The following HDAC9 variants were observed in gnomAD, a reference collection of about 807,000 sequenced individuals.
HDAC9 encodes the protein MEF-2 interacting transcription repressor (MITR) protein.
A neutral mutation model predicts 139.4 loss-of-function variants in HDAC9; 41 were observed. The observed-to-expected ratio is 0.29, with a 90% CI of 0.23 to 0.38. The LOEUF (loss-of-function observed/expected upper bound fraction) is 0.38, where lower values mean the gene tolerates loss of function less well. Among genes scored for constraint, HDAC9 ranks in the 10% least tolerant of loss-of-function variants. The probability of loss-of-function intolerance (pLI) is 1.00; values close to 1 mark genes in which losing one functional copy is unlikely to be tolerated. For missense variants in HDAC9, 1,147 were observed against 1,297.0 expected (o/e 0.88, Z 1.78); for synonymous variants, 517 against 476.2 (o/e 1.09, Z -1.12).
At chr7:18,459,826 A>C (rs1043820964) in intron 1 of HDAC9, among the ~76,000 whole-genome samples, 1 of 152,160 alleles carries the variant, frequency 6.6e-6, no homozygotes, top group Non-Finnish European at 1.5e-5. Flanking sequence ...TAAGAAAGGC[A>C]TCCATCTATT....
intron 2 of HDAC9, among the ~76,000 whole-genome samples, chr7:18,264,453 C>A (rs532189634): frequency 6.6e-6 from 1 of 152,264 alleles, no homozygotes; most frequent in South Asian, 2.1e-4. Context: ...GGTAAACATA[C>A]ATGTATATCC....
At position 18,914,913 on chromosome 7, in the gene HDAC9, A is replaced by G. The variant is rs144705630; in HGVS notation, c.2804-20896A>G. 5.4e-3 allele frequency among the ~76,000 whole-genome samples: 823 copies of G among 152,244 alleles called. 1 individual carries two copies. Among genetic ancestry groups the G allele is most frequent in the Non-Finnish European group, 9.4e-3 (637 of 67,996 alleles). On this transcript the variant is annotated intron_variant, in intron 22 of 25. Transcript: ENST00000686413. ...ATATTGGAATACTTTACATAATACAACCAAGAAGAGATTATAGGAAAAAAG... is the reference window on the plus strand; with the variant it reads ...ATATTGGAATACTTTACATAATACAGCCAAGAAGAGATTATAGGAAAAAAG...
intron 12 of HDAC9, among the ~76,000 whole-genome samples, chr7:18,669,112 T>C (rs1316072776): frequency 6.6e-6 from 1 of 151,786 alleles, no homozygotes; most frequent in Non-Finnish European, 1.5e-5. Context: ...TTTCATGATA[T>C]GTTATCATGT....
chr7:18,958,912 A>G (rs1286632583), intron 24 of HDAC9, among the ~76,000 whole-genome samples: 1 of 152,112 alleles, frequency 6.6e-6, no homozygotes, highest in Non-Finnish European at 1.5e-5. Flanking sequence ...GTGAGTTGCC[A>G]TTTCCACGGG....
intron 2 of HDAC9, among the ~76,000 whole-genome samples, chr7:18,270,413 A>G (rs1034398859): frequency 5.3e-5 from 8 of 152,186 alleles, no homozygotes; most frequent in African/African-American, 1.9e-4. Flanking sequence ...TCAATGCTAC[A>G]TTACTTATAA....
intron 16 of HDAC9, 168 bp from the exon 17 acceptor site, chr7:18,793,177 A>T: frequency 1.7e-6 from 1 of 604,926 alleles, no homozygotes; most frequent in East Asian, 2.8e-5. Flanking sequence ...AAGACGGAAG[A>T]CTAATGTTAT....
intron 1 of HDAC9, among the ~76,000 whole-genome samples, chr7:18,380,382 C>A (rs17139138): frequency 0.1 from 15,525 of 152,136 alleles, 1,433 homozygotes; most frequent in East Asian, 0.24. Flanking sequence ...AACACCAAAG[C>A]AAAGAGTGTC....
chr7:18,712,310 A>G (rs1322901765), intron 12 of HDAC9, among the ~76,000 whole-genome samples: 2 of 152,114 alleles, frequency 1.3e-5, no homozygotes, highest in Non-Finnish European at 2.9e-5. Flanking sequence ...CTTCTCTACC[A>G]ACCTTGCTTC....
rs956780555 is a variant in HDAC9 at position 18,975,849 on chromosome 7, C to A, written c.3066C>A (p.Gly1022=). ...KSVRMVAVPR[G]CALAGAQLQE... ...TAAGGATGGTGGCTGTGCCAAGGGG[C>A]TGTGCTCTGGCTGGTGCTCAGTTGC... Residue 1022 remains glycine, a synonymous_variant, in exon 25 of 26, where the codon GGC becomes GGA. Transcript: ENST00000686413. 1 of 1,613,752 alleles carries A rather than the reference C, an allele frequency of 6.2e-7. No individual in the cohort carries two copies. Among genetic ancestry groups the A allele is most frequent in the African/African-American group, 1.3e-5 (1 of 74,900 alleles).
intron 12 of HDAC9, among the ~76,000 whole-genome samples, chr7:18,725,023 T>G (rs1270473986): frequency 6.6e-6 from 1 of 152,018 alleles, no homozygotes; most frequent in Non-Finnish European, 1.5e-5. Flanking sequence ...AATGTGGAGC[T>G]TCATAGCCAC....
chr7:18,827,760 T>C (rs767830065), intron 17 of HDAC9, among the ~76,000 whole-genome samples: 10 of 152,324 alleles, frequency 6.6e-5, no homozygotes, highest in African/African-American at 9.6e-5. Flanking sequence ...GTATTATATA[T>C]TGTTATTTTC....
chr7:18,186,332 T>G (rs190005413), intron 2 of HDAC9, among the ~76,000 whole-genome samples: 17 of 152,362 alleles, frequency 1.1e-4, no homozygotes, highest in Non-Finnish European at 2.2e-4. Context: ...GTCTTGATAT[T>G]TCCCAACTGA....
chr7:18,630,666 C>G (rs2128978147), intron 7 of HDAC9, among the ~76,000 whole-genome samples: 1 of 152,154 alleles, frequency 6.6e-6, no homozygotes, highest in Admixed American at 6.6e-5. Flanking sequence ...AATTATTTTA[C>G]TAGAGTTTAT....
At chr7:18,204,400 AG>A (rs1392577594) in intron 2 of HDAC9, among the ~76,000 whole-genome samples, 3 of 150,992 alleles carry the variant, frequency 2.0e-5, no homozygotes, top group African/African-American at 7.3e-5. Context: ...ATTAGGTTAA[AG>A]GCTTTGCATA....
chr7:18,971,353 C>T (rs1433756731), intron 24 of HDAC9, among the ~76,000 whole-genome samples: 13 of 152,180 alleles, frequency 8.5e-5, no homozygotes, highest in Admixed American at 8.5e-4. Flanking sequence ...TTGCCAGTTG[C>T]ATAGCCATAG....
chr7:18,628,442 A>G (rs1781365302), intron 6 of HDAC9, among the ~76,000 whole-genome samples: 1 of 152,134 alleles, frequency 6.6e-6, no homozygotes, highest in Admixed American at 6.6e-5. Context: ...GACTATATAA[A>G]TGTTAATTGT....
At chr7:18,859,846 A>ATGTGTGTGTGTGTGTGTGTG (rs1465742573) in intron 21 of HDAC9, among the ~76,000 whole-genome samples, 232 of 121,706 alleles carry the variant, frequency 1.9e-3, no homozygotes, top group Non-Finnish European at 3.4e-3. Flanking sequence ...ATATATATAT[A>ATGTGTGTGTGTGTGTGTGTG]TATATATATA....
intron 21 of HDAC9, among the ~76,000 whole-genome samples, chr7:18,844,184 C>A (rs1796764454): frequency 6.6e-6 from 1 of 152,146 alleles, no homozygotes; most frequent in African/African-American, 2.4e-5. Flanking sequence ...TAGGAATCTG[C>A]CCATCTTTCT....
intron 13 of HDAC9, among the ~76,000 whole-genome samples, chr7:18,737,242 G>C (rs935893874): frequency 6.6e-6 from 1 of 152,056 alleles, no homozygotes; most frequent in Non-Finnish European, 1.5e-5. Context: ...CTTCAGTTCT[G>C]CTCTGGTCTT....
Sources: allele counts gnomAD v4.1 joint callset (sites outside exome capture counted in the v4.1 genomes callset), GRCh38; gene constraint gnomAD v4.1.1; transcripts MANE v1.5; gene names NCBI Gene and HGNC (gene_info 2026-07-23, HGNC 2026-07-21).